The following SHQ1 variants were observed in gnomAD, a reference collection of about 807,000 sequenced individuals.
SHQ1 encodes the protein protein SHQ1 homolog.
A neutral mutation model predicts 53.8 loss-of-function variants in SHQ1; 49 were observed. The ratio of observed to expected loss-of-function variants is 0.91; its 90% confidence interval spans 0.72 to 1.16. The LOEUF is 1.16. SHQ1 is among the 50% of genes most tolerant of loss of function. SHQ1 has a pLI of 0.00. For synonymous variants in SHQ1, 243 were observed against 251.0 expected (o/e 0.97, Z 0.30); for missense variants, 738 against 683.1 (o/e 1.08, Z -0.90).
chr3:72,806,014 T>G (rs1051264018), intron 9 of SHQ1, among the ~76,000 whole-genome samples: 1 of 150,084 alleles, frequency 6.7e-6, no homozygotes, highest in African/African-American at 2.5e-5. Flanking sequence ...TGACTAGAAC[T>G]TGATATTCTT....
intron 10 of SHQ1, among the ~76,000 whole-genome samples, chr3:72,781,336 G>A (rs997171541): frequency 9.2e-5 from 14 of 152,064 alleles, no homozygotes; most frequent in Admixed American, 3.3e-4. Context: ...GATTATGGGC[G>A]TGAGACACCA....
At chr3:72,759,412 T>C (rs999075409) in intron 10 of SHQ1, among the ~76,000 whole-genome samples, 2 of 152,094 alleles carry the variant, frequency 1.3e-5, no homozygotes, top group Non-Finnish European at 2.9e-5. Context: ...ACCTTGAGGC[T>C]GGAGGCAGCA....
intron 10 of SHQ1, among the ~76,000 whole-genome samples, chr3:72,764,517 C>A (rs1330775179): frequency 6.6e-6 from 1 of 152,150 alleles, no homozygotes; most frequent in African/African-American, 2.4e-5. Flanking sequence ...CATCTGTCTA[C>A]CAGAATACCC....
chr3:72,779,918 G>A (rs1706037258), intron 10 of SHQ1, among the ~76,000 whole-genome samples: 2 of 152,100 alleles, frequency 1.3e-5, no homozygotes, highest in African/African-American at 4.8e-5. Flanking sequence ...CACAAACCTG[G>A]AGCAAGGTTG....
chr3:72,803,343 C>T (rs1706849117), intron 9 of SHQ1, among the ~76,000 whole-genome samples: 1 of 152,164 alleles, frequency 6.6e-6, no homozygotes, highest in South Asian at 2.1e-4. Context: ...TTCACACAGG[C>T]CTCATTAGTC....
chr3:72,810,452 A>G (rs1377495216), intron 9 of SHQ1, among the ~76,000 whole-genome samples: 1 of 152,210 alleles, frequency 6.6e-6, no homozygotes, highest in Non-Finnish European at 1.5e-5. Context: ...ATAATGAAAT[A>G]TTCTGTAGTT....
At chr3:72,752,891 C>T in intron 10 of SHQ1, 1 of 673,932 alleles carries the variant, frequency 1.5e-6, no homozygotes, top group Non-Finnish European at 1.8e-6. Context: ...TCTTGATCTC[C>T]TGACCTCGTG....
At position 72,772,830 on chromosome 3, in the gene SHQ1, T is replaced by C. The variant is rs573667432; in HGVS notation, c.1181+20086A>G. The C allele has an allele frequency of 5.2e-6, 4 of 769,544 alleles. No individual in the cohort carries two copies. In the Admixed American group the frequency reaches 6.9e-5, roughly 13 times the overall value. The allele number at this position is 769,544 out of a possible 1,614,324, so 47.7% of individuals were successfully genotyped here. A position where few individuals can be genotyped will look rare whatever the true frequency, so the allele number is the denominator to read the frequency against. The stretch of plus-strand genomic sequence containing the variant: ...ATGCAACTGAAAACTCAGAGAAGAA[T>C]GAGCCTATATCTAAAGTTGCCCCAT... On this transcript the variant is annotated intron_variant, in intron 10 of 10. Transcript: ENST00000325599.
At chr3:72,832,181 G>T (rs959422211) in intron 5 of SHQ1, among the ~76,000 whole-genome samples, 188 bp downstream of exon 5, 1 of 152,064 alleles carries the variant, frequency 6.6e-6, no homozygotes, top group Non-Finnish European at 1.5e-5. Context: ...AGATATAAGA[G>T]GCAACATCTT....
intron 9 of SHQ1, among the ~76,000 whole-genome samples, chr3:72,801,477 A>T (rs1706785727): frequency 6.6e-6 from 1 of 152,232 alleles, no homozygotes; most frequent in African/African-American, 2.4e-5. Flanking sequence ...GGAAAGAAGA[A>T]ATAGGAGTAT....
Position 72,848,386 on chromosome 3 carries a change from C to T in SHQ1, c.-46G>A, listed in dbSNP as rs766521844. On this transcript the variant is annotated 5_prime_UTR_variant, in exon 1 of 11. Coordinates refer to ENST00000325599, the MANE Select transcript of SHQ1 (RefSeq NM_018130.3). ...CCGGCGCCGCTCGCTCTCACTGCCGCCGCGTTCCCGCCACGCAAACTCTCC... is the reference window on the plus strand; with the variant it reads ...CCGGCGCCGCTCGCTCTCACTGCCGTCGCGTTCCCGCCACGCAAACTCTCC... 30 of 1,606,052 alleles carry T rather than the reference C, an allele frequency of 1.9e-5. No individual in the cohort carries two copies. The highest frequency in any genetic ancestry group is 2.3e-5 in the Non-Finnish European group (27 of 1,175,794).
At chr3:72,739,917 A>G in the SHQ1 span, among the ~76,000 whole-genome samples, 1 of 152,190 alleles carries the variant, frequency 6.6e-6, no homozygotes, top group Non-Finnish European at 1.5e-5. Context: ...GCACCTTGCT[A>G]TGACCAGCCA....
intron 4 of SHQ1, among the ~76,000 whole-genome samples, chr3:72,833,206 C>T (rs1707874795): frequency 6.6e-6 from 1 of 152,124 alleles, no homozygotes; most frequent in African/African-American, 2.4e-5. Flanking sequence ...CTTTGGGAGG[C>T]CAAGGCAGGC....
rs576122516 is a variant in SHQ1, at chr3:72,789,035, C to A, written c.1181+3881G>T. On this transcript the variant is annotated intron_variant, in intron 10 of 10. Coordinates refer to ENST00000325599, the MANE Select transcript of SHQ1 (RefSeq NM_018130.3). ...CCTCCACTATTGTCCTATGACCCTG[C>A]CAAATCCCCCTCTCCGAGAAACACT... Among the ~76,000 whole-genome samples the A allele has an allele frequency of 4.0e-3, 597 of 149,928 alleles. 1 individual carries two copies. The highest frequency in any genetic ancestry group is 7.1e-3 in the Non-Finnish European group (483 of 67,626).
chr3:72,760,128 C>CAA (rs1705576702), intron 10 of SHQ1, among the ~76,000 whole-genome samples: 1 of 152,192 alleles, frequency 6.6e-6, no homozygotes, highest in Non-Finnish European at 1.5e-5. Context: ...CCATGTGGTT[C>CAA]AAGCACATCC....
chr3:72,781,637 C>T (rs1575688115), intron 10 of SHQ1, among the ~76,000 whole-genome samples: 1 of 152,046 alleles, frequency 6.6e-6, no homozygotes, highest in East Asian at 1.9e-4. Context: ...AGTCCCCGAA[C>T]CCCAACACTA....
intron 10 of SHQ1, among the ~76,000 whole-genome samples, chr3:72,758,120 A>T (rs1250520223): frequency 6.6e-6 from 1 of 152,194 alleles, no homozygotes; most frequent in East Asian, 1.9e-4. Context: ...CTTTAAGTAG[A>T]AGTTGCTGGT....
chr3:72,823,370 A>G (rs193301439), intron 6 of SHQ1, among the ~76,000 whole-genome samples: 2 of 152,314 alleles, frequency 1.3e-5, no homozygotes, highest in South Asian at 4.1e-4. Flanking sequence ...AAAATAGCAG[A>G]TAACAGGCTA....
At chr3:72,765,557 A>ATATATATATATATTT (rs1491527508) in intron 10 of SHQ1, among the ~76,000 whole-genome samples, 30 of 57,174 alleles carry the variant, frequency 5.2e-4, no homozygotes, top group African/African-American at 2.1e-3. Context: ...ATATATATAT[A>ATATATATATATATTT]TTTTTTTTTT....
Sources: allele counts gnomAD v4.1 joint callset (sites outside exome capture counted in the v4.1 genomes callset), GRCh38; gene constraint gnomAD v4.1.1; transcripts MANE v1.5; gene names NCBI Gene and HGNC (gene_info 2026-07-23, HGNC 2026-07-21).